PTPRG: variants seen among roughly 807,000 people sequenced by gnomAD.
PTPRG encodes the protein receptor-type tyrosine-protein phosphatase gamma.
Under a neutral mutation model 165.3 loss-of-function variants are expected in PTPRG, and 102 were observed. That is an observed-to-expected ratio of 0.62 (90% CI 0.53 to 0.73). PTPRG has a LOEUF of 0.73. PTPRG is among the 30% of genes least tolerant of loss of function. PTPRG has a pLI of 0.00. For missense variants in PTPRG, 1,866 were observed against 1,861.4 expected, an observed-to-expected ratio of 1.00 and a Z score of -0.05; for synonymous variants, 675 against 669.5, an observed-to-expected ratio of 1.01 and a Z score of -0.13.
rs191240223 is a variant in PTPRG at position 61,654,165 on chromosome 3, G to A, written c.85+91793G>A. ...TCGTGTGTGAATAGCATTTACCGTG[G>A]AGTCTGGGATGTGGGAGTCATTCAA... On this transcript the variant is annotated intron_variant, in intron 1 of 29. Transcript: ENST00000474889. Among the ~76,000 whole-genome samples, 342 of 152,260 alleles carry A rather than the reference G, an allele frequency of 2.2e-3. 1 individual carries two copies. The highest frequency in any genetic ancestry group is 8.1e-3 in the African/African-American group (337 of 41,538).
chr3:61,974,543 A>T (rs1486876080), intron 2 of PTPRG, among the ~76,000 whole-genome samples: 1 of 143,802 alleles, frequency 7.0e-6, no homozygotes, highest in Non-Finnish European at 1.5e-5. Flanking sequence ...ACAAAGCAAG[A>T]TTCCATCTTA....
chr3:62,006,621 A>G (rs2041303931), intron 4 of PTPRG, among the ~76,000 whole-genome samples: 1 of 152,194 alleles, frequency 6.6e-6, no homozygotes, highest in African/African-American at 2.4e-5. Context: ...CTACAGAAGA[A>G]TCATTGTTGA....
At chr3:62,193,892 G>T (rs1448154494) in intron 9 of PTPRG, among the ~76,000 whole-genome samples, 3 of 152,252 alleles carry the variant, frequency 2.0e-5, no homozygotes, top group African/African-American at 7.2e-5. Flanking sequence ...CTATTAAGAA[G>T]AGTCTTTGAA....
intron 5 of PTPRG, among the ~76,000 whole-genome samples, chr3:62,101,735 T>A (rs1003335293): frequency 1.3e-5 from 2 of 152,234 alleles, no homozygotes; most frequent in African/African-American, 4.8e-5. Flanking sequence ...CCCCTGCTGA[T>A]TGATTTCTTC....
intron 24 of PTPRG, 140 bp from the exon 25 acceptor site, chr3:62,276,832 A>G: frequency 1.5e-6 from 1 of 657,364 alleles, no homozygotes; most frequent in Non-Finnish European, 2.6e-6. Context: ...ATAACACTTT[A>G]GCTTGTTTAA....
intron 4 of PTPRG, among the ~76,000 whole-genome samples, chr3:62,029,345 A>C (rs543848190): frequency 6.6e-6 from 1 of 152,294 alleles, no homozygotes; most frequent in South Asian, 2.1e-4. Flanking sequence ...ACAAGCTTCA[A>C]ATGTGCGTCC....
chr3:61,568,278 A>C (rs571149399), intron 1 of PTPRG, among the ~76,000 whole-genome samples: 25 of 152,330 alleles, frequency 1.6e-4, no homozygotes, highest in Admixed American at 3.3e-4. Flanking sequence ...TGTCTCTTTA[A>C]AAGATGTCTT....
At chr3:61,902,946 C>G (rs2038536259) in intron 2 of PTPRG, among the ~76,000 whole-genome samples, 1 of 152,138 alleles carries the variant, frequency 6.6e-6, no homozygotes, top group Non-Finnish European at 1.5e-5. Context: ...CTCAGCTCTC[C>G]TTTCCCACCA....
intron 2 of PTPRG, among the ~76,000 whole-genome samples, chr3:61,798,430 G>A (rs376214539): frequency 6.6e-6 from 1 of 152,084 alleles, no homozygotes; most frequent in Non-Finnish European, 1.5e-5. Flanking sequence ...GTAATATCAG[G>A]CATGAAATTA....
intron 2 of PTPRG, among the ~76,000 whole-genome samples, chr3:61,914,088 T>A (rs1430690196): frequency 1.3e-5 from 2 of 152,190 alleles, no homozygotes; most frequent in Non-Finnish European, 2.9e-5. Context: ...AGTGGAAACC[T>A]TGGTTCATGG....
At chr3:62,132,157 C>T (rs1044529427) in intron 5 of PTPRG, among the ~76,000 whole-genome samples, 14 of 152,056 alleles carry the variant, frequency 9.2e-5, no homozygotes, top group African/African-American at 1.9e-4. Context: ...GGGATCCTTA[C>T]GAAGGAGAAT....
chr3:62,008,519 G>T (rs1301377548), intron 4 of PTPRG, among the ~76,000 whole-genome samples: 6 of 152,174 alleles, frequency 3.9e-5, no homozygotes, highest in Admixed American at 3.3e-4. Context: ...TGTATACCAT[G>T]TACACGTTAC....
intron 2 of PTPRG, among the ~76,000 whole-genome samples, chr3:61,850,478 A>G (rs1173977841): frequency 1.3e-5 from 2 of 152,186 alleles, no homozygotes; most frequent in Non-Finnish European, 2.9e-5. Flanking sequence ...TTATATTTTT[A>G]AACATAGAAG....
intron 14 of PTPRG, among the ~76,000 whole-genome samples, chr3:62,235,775 C>T (rs1028627425): frequency 1.3e-5 from 2 of 152,148 alleles, no homozygotes; most frequent in Admixed American, 6.6e-5. Context: ...ACATTCTCTC[C>T]TCGTTTTAGT....
intron 5 of PTPRG, among the ~76,000 whole-genome samples, chr3:62,090,506 G>T (rs945411395): frequency 1.3e-5 from 2 of 152,160 alleles, no homozygotes; most frequent in East Asian, 1.9e-4. Flanking sequence ...CTTTTTAATG[G>T]CTGTCAGACC....
chr3:61,698,940 G>A (rs1341872805), intron 1 of PTPRG, among the ~76,000 whole-genome samples: 1 of 151,992 alleles, frequency 6.6e-6, no homozygotes, highest in Non-Finnish European at 1.5e-5. Flanking sequence ...AACACTGCAT[G>A]CTCTCACTCA....
chr3:61,610,015 T>C (rs1701124066), intron 1 of PTPRG, among the ~76,000 whole-genome samples: 1 of 148,936 alleles, frequency 6.7e-6, no homozygotes. Flanking sequence ...TAAAATGTTT[T>C]TATTTGTATC....
intron 1 of PTPRG, among the ~76,000 whole-genome samples, chr3:61,607,296 G>T (rs912996742): frequency 1.3e-5 from 2 of 152,168 alleles, no homozygotes. Flanking sequence ...ATTTTGGTGT[G>T]AATCCTCTGT....
intron 1 of PTPRG, among the ~76,000 whole-genome samples, chr3:61,654,427 C>G (rs949354030): frequency 1.3e-5 from 2 of 152,224 alleles, no homozygotes; most frequent in African/African-American, 2.4e-5. Flanking sequence ...CTCTGTCCCC[C>G]AGGCCAGAGT....
Sources: gnomAD v4.1 joint callset for allele counts (sites outside exome capture counted in the v4.1 genomes callset) on GRCh38, gnomAD v4.1.1 for gene constraint, MANE v1.5 for transcripts, NCBI Gene and HGNC (gene_info 2026-07-23, HGNC 2026-07-21) for gene names.